Variants in VPS41 observed in about 807,000 individuals in gnomAD.
VPS41 encodes the protein VPS41 subunit of HOPS complex, also known as vacuolar protein sorting-associated protein 41 homolog.
A neutral mutation model predicts 130.9 loss-of-function variants in VPS41; 85 were observed. That is an observed-to-expected ratio of 0.65 (90% confidence interval 0.55 to 0.78). The LOEUF is 0.78. Ranked by LOEUF, VPS41 falls within the 30% of genes least tolerant of loss-of-function variation. VPS41 has a pLI of 0.00. For missense variants in VPS41, 874 were observed against 1,018.7 expected (o/e 0.86, Z 1.93); for synonymous variants, 335 against 332.9 (o/e 1.01, Z -0.07).
intron 7 of VPS41, among the ~76,000 whole-genome samples, chr7:38,797,254 A>T (rs1392558157): frequency 6.6e-6 from 1 of 152,254 alleles, no homozygotes; most frequent in Non-Finnish European, 1.5e-5. Context: ...TTTTTCACTG[A>T]AAATAAGATA....
intron 2 of VPS41, among the ~76,000 whole-genome samples, chr7:38,881,251 G>A (rs1786599159): frequency 1.3e-5 from 2 of 152,136 alleles, no homozygotes; most frequent in South Asian, 2.1e-4. Context: ...TTCTGAAAGC[G>A]CCAGCATTCC....
In VPS41 at chr7:38,772,464, CTT is replaced by C. The variant is rs1562580807; in HGVS notation, c.1128+56_1128+57del. On this transcript the variant is annotated intron_variant, in intron 13 of 28. Transcript: ENST00000310301. ...AAGATTTATTACAAAAACATTTTAT[CTT>C]CTCTCTCTATGCTGTAGATGAGTCA... 111 of 1,172,006 alleles carry C rather than the reference CTT, an allele frequency of 9.5e-5. No individual in the cohort carries two copies. In the African/African-American group the frequency reaches 1.4e-3, roughly 14 times the overall value. 72.6% of individuals were successfully genotyped at this position (1,172,006 alleles called of 1,614,324 possible).
chr7:38,898,857 C>T (rs973828260), intron 1 of VPS41, among the ~76,000 whole-genome samples: 2 of 152,154 alleles, frequency 1.3e-5, no homozygotes, highest in Non-Finnish European at 2.9e-5. Flanking sequence ...ATTTACTTAA[C>T]GTACTTATAG....
intron 2 of VPS41, among the ~76,000 whole-genome samples, chr7:38,890,852 A>G (rs1203560237): frequency 6.6e-6 from 1 of 151,914 alleles, no homozygotes; most frequent in African/African-American, 2.4e-5. Context: ...TGCCTAGTCA[A>G]TTTTTAAATT....
intron 13 of VPS41, 26 bp downstream of exon 13, chr7:38,772,496 T>A: frequency 6.8e-7 from 1 of 1,478,188 alleles, no homozygotes; most frequent in Non-Finnish European, 9.4e-7. Context: ...GAGTCAATAC[T>A]TTCAAAGAAG....
chr7:38,909,020 C>A, intron 1 of VPS41, 134 bp downstream of exon 1: 3 of 1,100,100 alleles, frequency 2.7e-6, no homozygotes, highest in Non-Finnish European at 4.1e-6. Flanking sequence ...CGCCATCCCA[C>A]CCCGCCCTGC....
intron 22 of VPS41, among the ~76,000 whole-genome samples, chr7:38,746,638 G>A (rs1310595020): frequency 1.3e-5 from 2 of 152,026 alleles, no homozygotes; most frequent in African/African-American, 4.8e-5. Flanking sequence ...ATCTGAACCG[G>A]GTGCAGTATG....
intron 4 of VPS41, among the ~76,000 whole-genome samples, chr7:38,837,223 C>T (rs1238999050): frequency 6.6e-6 from 1 of 152,142 alleles, no homozygotes; most frequent in Non-Finnish European, 1.5e-5. Flanking sequence ...CATACCCAAT[C>T]GTATTAGCAT....
chr7:38,768,435 C>T (rs1419496173), intron 14 of VPS41, among the ~76,000 whole-genome samples: 1 of 152,018 alleles, frequency 6.6e-6, no homozygotes. Context: ...CATTTCTTCT[C>T]TGCATGTTTG....
intron 3 of VPS41, among the ~76,000 whole-genome samples, chr7:38,865,924 G>A (rs181788710): frequency 6.6e-6 from 1 of 152,352 alleles, no homozygotes; most frequent in East Asian, 1.9e-4. Context: ...AGAATTCTAA[G>A]AAGGAGGATT....
rs942110548 is a variant in VPS41 at position 38,754,846 on chromosome 7, A to G, written c.1737+49T>C. On this transcript the variant is annotated intron_variant, in intron 20 of 28. Coordinates refer to ENST00000310301, the MANE Select transcript of VPS41 (RefSeq NM_014396.4). ...AAACTCTCTTCTTCACAGCTATAGGAGTCCCAGACGTTCATCTGGTAACAC... is the reference window on the plus strand; with the variant it reads ...AAACTCTCTTCTTCACAGCTATAGGGGTCCCAGACGTTCATCTGGTAACAC... 5.7e-6 allele frequency: 9 copies of G among 1,581,924 alleles called. No individual in the cohort carries two copies. In the African/African-American group the frequency reaches 9.4e-5, roughly 17 times the overall value.
At chr7:38,789,915 T>C in intron 9 of VPS41, 48 bp from the exon 10 acceptor site, 1 of 1,593,934 alleles carries the variant, frequency 6.3e-7, no homozygotes, top group Non-Finnish European at 8.6e-7. Flanking sequence ...TGGAAAATTC[T>C]TCATAACATT....
chr7:38,786,299 C>T (rs1019624690), intron 10 of VPS41, among the ~76,000 whole-genome samples: 4 of 152,206 alleles, frequency 2.6e-5, no homozygotes, highest in Non-Finnish European at 4.4e-5. Flanking sequence ...GTAGCCGCTA[C>T]CCACTCGCAT....
chr7:38,891,336 A>C (rs1786862376), intron 2 of VPS41, among the ~76,000 whole-genome samples: 1 of 152,228 alleles, frequency 6.6e-6, no homozygotes, highest in Admixed American at 6.5e-5. Flanking sequence ...AATGATAGTA[A>C]ATAAAATTAA....
intron 25 of VPS41, among the ~76,000 whole-genome samples, chr7:38,732,892 A>C (rs1338238530): frequency 2.0e-5 from 3 of 152,198 alleles, no homozygotes; most frequent in Admixed American, 1.3e-4. Context: ...CAGTAGCATG[A>C]TCAGAACTCA....
intron 7 of VPS41, among the ~76,000 whole-genome samples, chr7:38,812,030 A>AG (rs1221612614): frequency 6.6e-6 from 1 of 152,136 alleles, no homozygotes; most frequent in Non-Finnish European, 1.5e-5. Flanking sequence ...GATGTTCAGT[A>AG]GGTTAAGTAT....
chr7:38,738,343 T>A (rs1353296460), intron 25 of VPS41, among the ~76,000 whole-genome samples: 1 of 152,210 alleles, frequency 6.6e-6, no homozygotes, highest in Non-Finnish European at 1.5e-5. Flanking sequence ...TTCATCACCT[T>A]CCCAGACTGG....
intron 2 of VPS41, among the ~76,000 whole-genome samples, chr7:38,871,898 A>G (rs59626436): frequency 0.26 from 39,211 of 152,168 alleles, 6,460 homozygotes; most frequent in Non-Finnish European, 0.38. Context: ...TAGGTTCAAG[A>G]AATCTTCTCG....
intron 21 of VPS41, 101 bp from the exon 22 acceptor site, chr7:38,752,414 T>TG: frequency 7.0e-7 from 1 of 1,420,652 alleles, no homozygotes; most frequent in Non-Finnish European, 9.6e-7. Flanking sequence ...ATGGACAGGT[T>TG]GGGGGAGAAG....
Sources: gnomAD v4.1 joint callset for allele counts (sites outside exome capture counted in the v4.1 genomes callset) on GRCh38, gnomAD v4.1.1 for gene constraint, MANE v1.5 for transcripts, NCBI Gene and HGNC (gene_info 2026-07-23, HGNC 2026-07-21) for gene names.